The following CUL7 variants were observed in gnomAD, a reference collection of about 807,000 sequenced individuals.
CUL7 encodes cullin-7.
A neutral mutation model predicts 177.7 loss-of-function variants in CUL7; 96 were observed. That is an observed-to-expected ratio of 0.54 (90% confidence interval 0.46 to 0.64). The LOEUF is 0.64. Among genes scored for constraint, CUL7 ranks in the 30% least tolerant of loss-of-function variants. The pLI is 0.00. For missense variants in CUL7, 1,893 were observed against 2,187.9 expected (o/e 0.87, Z 2.69); for synonymous variants, 824 against 890.2 (o/e 0.93, Z 1.32).
At position 43,039,735 on chromosome 6, in the gene CUL7, C is replaced by CTTT. The variant is rs763879172; in HGVS notation, c.4294+418_4294+420dup. The stretch of plus-strand genomic sequence containing the variant: ...AAAAATGTAAATTAAAAGACCAACT[C>CTTT]TTTTTTTTTTTTTTTTTTTTTTTTG... On this transcript the variant is annotated intron_variant, in intron 22 of 25. Transcript: ENST00000265348. 4.8e-3 allele frequency among the ~76,000 whole-genome samples: 458 copies of CTTT among 94,920 alleles called. 4 individuals carry two copies. The highest frequency in any genetic ancestry group is 8.9e-3 in the Middle Eastern group (1 of 112). The allele number at this position is 94,920 out of a possible 152,430, so 62.3% of individuals were successfully genotyped here.
chr6:43,048,386 A>C lies in CUL7; in HGVS notation c.2009T>G (p.Met670Arg), dbSNP rs1217199685. ...QRQPQPFLALMQSLDTPETNR... is the reference protein window; with the variant it reads ...QRQPQPFLALRQSLDTPETNR... ...AGTCTCCGGAGTGTCCAGGCTCTGC[A>C]TCAGTGCCAGGAAGGGCTGCGGCTG... Residue 670 changes from methionine (M) to arginine (R), a missense_variant, in exon 8 of 26, where the codon ATG (methionine) becomes AGG (arginine). Transcript: ENST00000265348. 3 of 1,613,302 alleles carry C rather than the reference A, an allele frequency of 1.9e-6. No individual in the cohort carries two copies. Among genetic ancestry groups the C allele is most frequent in the African/African-American group, 1.3e-5 (1 of 74,904 alleles).
chr6:43,053,789 C>T lies in CUL7; in HGVS notation c.-176G>A. 6 of 1,531,834 alleles carry T rather than the reference C, an allele frequency of 3.9e-6. No homozygotes were observed. Among genetic ancestry groups the T allele is most frequent in the Non-Finnish European group, 5.2e-6 (6 of 1,145,618 alleles). The allele number at this position is 1,531,834 out of a possible 1,614,324, so 94.9% of individuals were successfully genotyped here. On this transcript the variant is annotated 5_prime_UTR_variant, in exon 1 of 26. Transcript: ENST00000265348. The surrounding 1 kb of genome is among the most constrained non-coding windows in gnomAD (Gnocchi z 4.1). The stretch of plus-strand genomic sequence containing the variant: ...GGAACAGAGCTGCACCCGCGTGAGT[C>T]GGCAGCCACTGGGGCAGGGTGGGGC...
chr6:43,047,616 T>C (rs533760981), intron 9 of CUL7, among the ~76,000 whole-genome samples: 5 of 152,296 alleles, frequency 3.3e-5, no homozygotes, highest in African/African-American at 1.2e-4. Context: ...CTCTGAGCCC[T>C]TCTGAAGCCT....
rs750045772 is a variant in CUL7, at chr6:43,051,128, C to T, written c.1073G>A (p.Arg358His). The T allele has an allele frequency of 2.5e-5, 40 of 1,614,104 alleles. No individual in the cohort carries two copies. The highest frequency in any genetic ancestry group is 1.2e-4 in the African/African-American group (9 of 74,932). ...QPSFRRSRRF[R>H]PRSEFASGNT... Reference sequence around the variant, plus strand: ...GCCACTTGCGAACTCAGAACGAGGGCGAAAACGTCTTGACCTCCTGAAGGA... The same window carrying T: ...GCCACTTGCGAACTCAGAACGAGGGTGAAAACGTCTTGACCTCCTGAAGGA... The change falls in exon 4 of 26, where the codon CGC (arginine) becomes CAC (histidine). Residue 358 changes from arginine to histidine, a missense_variant. Transcript: ENST00000265348. This position sits in a 1 kb window ranked among gnomAD's most constrained non-coding sequence, Gnocchi z 5.0.
chr6:43,048,569 G>T lies in CUL7; in HGVS notation c.1826C>A (p.Ala609Glu). 1.2e-6 allele frequency: 2 copies of T among 1,611,120 alleles called. No individual in the cohort carries two copies. Among genetic ancestry groups the T allele is most frequent in the East Asian group, 4.5e-5 (2 of 44,858 alleles). Residue 609 changes from alanine to glutamate, a missense_variant and splice_region_variant, in exon 8 of 26, where the codon GCA (alanine) becomes GAA (glutamate). This residue lies in a region of CUL7 where 973 missense variants were observed against 1,140.9 expected (regional missense o/e 0.85). Coordinates refer to ENST00000265348, the MANE Select transcript of CUL7 (RefSeq NM_014780.5). ...GGGACTCTGAGATGGGGGTTCTTTT[G>T]CTACAGGAAGGGGACAGTCACAGGA... Reference protein sequence around the residue: ...KDSEDAAKVEAKEPPSQSPNT... With the variant: ...KDSEDAAKVEEKEPPSQSPNT...
At position 43,038,573 on chromosome 6, in the gene CUL7, T is replaced by A; in HGVS notation, c.4560A>T (p.Ile1520=). 1 of 1,614,102 alleles carries A rather than the reference T, an allele frequency of 6.2e-7. No individual in the cohort carries two copies. The highest frequency in any genetic ancestry group is 8.5e-7 in the Non-Finnish European group (1 of 1,180,006). Residue 1520 remains isoleucine, a synonymous_variant, in exon 24 of 26, where the codon ATA becomes ATT. Transcript: ENST00000265348. The part of the protein sequence containing the change: ...GPLDLHEQKD[I]PGGVLKIRDG... The stretch of plus-strand genomic sequence containing the variant: ...CTGGCCCTAAGTGCATACCTCCTGG[T>A]ATATCCTTTTGCTCGTGAAGGTCCA...
chr6:43,046,128 G>C, intron 12 of CUL7, 37 bp from the exon 13 acceptor site: 1 of 1,612,348 alleles, frequency 6.2e-7, no homozygotes, highest in East Asian at 2.2e-5. Context: ...GGAACTTGTA[G>C]ACAGGGCCCA....
Position 43,040,279 on chromosome 6 carries a change from C to G in CUL7, c.4171G>C (p.Val1391Leu). Residue 1391 changes from valine (V) to leucine (L), a missense_variant, in exon 22 of 26, where the codon GTG becomes CTG. Transcript: ENST00000265348. This position sits in a 1 kb window ranked among gnomAD's most constrained non-coding sequence, Gnocchi z 4.2. ...YYEGAMPEVS[V>L]LVLSRHSWPV... ...CAGGAGTGTCGGGACAGGACAAGCA[C>G]AGACACTTCTGGCATTGCCCCTTCA... The G allele has an allele frequency of 5.0e-6, 8 of 1,614,162 alleles. No homozygotes were observed. The highest frequency in any genetic ancestry group is 6.8e-6 in the Non-Finnish European group (8 of 1,180,028).
In CUL7 at chr6:43,053,714, G is replaced by A; in HGVS notation, c.-101C>T. The A allele has an allele frequency of 6.9e-7, 1 of 1,442,014 alleles. No individual in the cohort carries two copies. The highest frequency in any genetic ancestry group is 1.4e-5 in the South Asian group (1 of 71,706). 89.3% of individuals were successfully genotyped at this position (1,442,014 alleles called of 1,614,324 possible). On this transcript the variant is annotated 5_prime_UTR_variant, in exon 1 of 26. Transcript: ENST00000265348. This position sits in a 1 kb window ranked among gnomAD's most constrained non-coding sequence, Gnocchi z 4.1. ...CTGGCGGCGACTTGGGCCCCACCTG[G>A]GCCCCGCGAGGGGGTCGAGACGGAG... is the stretch of plus-strand genomic sequence containing the variant.
Position 43,045,839 on chromosome 6 carries a change from G to A in CUL7, c.2766+147C>T. ...TGCCACCCTCATTGTTCAGGGCCTG[G>A]TGGCACAAGCACAGGGATAAAGGAC... On this transcript the variant is annotated intron_variant, in intron 13 of 25. Transcript: ENST00000265348. The surrounding 1 kb of genome is among the most constrained non-coding windows in gnomAD (Gnocchi z 4.8). 9.3e-7 allele frequency: 1 copy of A among 1,075,636 alleles called. No homozygotes were observed. The highest frequency in any genetic ancestry group is 1.4e-6 in the Non-Finnish European group (1 of 711,532). The allele number at this position is 1,075,636 out of a possible 1,614,324, so 66.6% of individuals were successfully genotyped here.
At position 43,047,070 on chromosome 6, in the gene CUL7, G is replaced by T. The variant is rs769982524; in HGVS notation, c.2207C>A (p.Thr736Asn). Reference sequence around the variant, plus strand: ...CACGGCATAGTCCCTGCTCACTGAGGTCAGGCGGTGCAGGAAGAAAATCAG... The same window carrying T: ...CACGGCATAGTCCCTGCTCACTGAGTTCAGGCGGTGCAGGAAGAAAATCAG... ...QELIFFLHRLTSVSRDYAVVL... is the reference protein window; with the variant it reads ...QELIFFLHRLNSVSRDYAVVL... Residue 736 changes from threonine to asparagine, a missense_variant, in exon 10 of 26, where the codon ACC becomes AAC. Physicochemically the swap from Thr to Asn is moderately conservative, Grantham distance 65. Transcript: ENST00000265348. The T allele has an allele frequency of 6.2e-7, 1 of 1,612,798 alleles. No individual in the cohort carries two copies. The highest frequency in any genetic ancestry group is 8.5e-7 in the Non-Finnish European group (1 of 1,178,912).
In CUL7 at chr6:43,046,899, A is replaced by G. The variant is rs1227256334; in HGVS notation, c.2378T>C (p.Ile793Thr). 5 of 1,606,074 alleles carry G rather than the reference A, an allele frequency of 3.1e-6. No individual in the cohort carries two copies. The highest frequency in any genetic ancestry group is 3.4e-6 in the Non-Finnish European group (4 of 1,172,794). Reference protein sequence around the residue: ...AHLYRKLITNILGGCIQMVLG... With the variant: ...AHLYRKLITNTLGGCIQMVLG... Reference sequence around the variant, plus strand: ...CCTGACCTGGATGCAGCCTCCCAGGATGTTGGTGATGAGTTTGCGGTAGAG... The same window carrying G: ...CCTGACCTGGATGCAGCCTCCCAGGGTGTTGGTGATGAGTTTGCGGTAGAG... Residue 793 changes from isoleucine to threonine, a missense_variant, in exon 10 of 26, where the codon ATC becomes ACC. By Grantham distance (89) the Ile-to-Thr change is moderately conservative. Coordinates refer to ENST00000265348, the MANE Select transcript of CUL7 (RefSeq NM_014780.5).
chr6:43,040,865 C>T lies in CUL7; in HGVS notation c.3806+50G>A. 6.2e-7 allele frequency: 1 copy of T among 1,607,044 alleles called. No individual in the cohort carries two copies. The highest frequency in any genetic ancestry group is 2.2e-5 in the East Asian group (1 of 44,780). ...TTCCAGGCCCATGAGCTGGCTCTGC[C>T]ACCATCATCCTGCCTCCCGCCAGCT... On this transcript the variant is annotated intron_variant, in intron 20 of 25. Coordinates refer to ENST00000265348, the MANE Select transcript of CUL7 (RefSeq NM_014780.5). The surrounding 1 kb of genome is among the most constrained non-coding windows in gnomAD (Gnocchi z 4.2).
Position 43,043,110 on chromosome 6 carries a change from GTTTCT to G in CUL7, c.3421_3425del (p.Arg1141ProfsTer24). The G allele has an allele frequency of 6.2e-7, 1 of 1,614,156 alleles. No individual in the cohort carries two copies. On this transcript the variant is annotated frameshift_variant, in exon 18 of 26. Coordinates refer to ENST00000265348, the MANE Select transcript of CUL7 (RefSeq NM_014780.5). LOFTEE classifies it high-confidence loss of function. The surrounding 1 kb of genome is among the most constrained non-coding windows in gnomAD (Gnocchi z 4.2). ...CCACGGCCCGCCAACAGCGCGTCAG[GTTTCT>G]CATGATGCTGCTTGGAAGGCCCCGG...
chr6:43,048,095 G>A, intron 9 of CUL7, 53 bp downstream of exon 9: 1 of 1,209,958 alleles, frequency 8.3e-7, no homozygotes, highest in South Asian at 1.3e-5. Flanking sequence ...TGCCTTGCCA[G>A]TGGCTGCCTT....
At position 43,046,081 on chromosome 6, in the gene CUL7, G is replaced by C; in HGVS notation, c.2671C>G (p.Leu891Val). ...CTCGAGTCCTCACTAGCCACAAGCAGAGTCAGTTGCCTGGGAGTGGGGAGG... is the reference window on the plus strand; with the variant it reads ...CTCGAGTCCTCACTAGCCACAAGCACAGTCAGTTGCCTGGGAGTGGGGAGG... ...RRGILIRQLT[L>V]LVASEDSSYM... The change falls in exon 13 of 26, where the codon CTG becomes GTG. Residue 891 changes from leucine to valine, a missense_variant. Leu to Val is a conservative substitution (Grantham distance 32). This residue lies in a region of CUL7 where 973 missense variants were observed against 1,140.9 expected (regional missense o/e 0.85). Coordinates refer to ENST00000265348, the MANE Select transcript of CUL7 (RefSeq NM_014780.5). The C allele has an allele frequency of 1.2e-6, 2 of 1,614,160 alleles. No homozygotes were observed. The highest frequency in any genetic ancestry group is 1.7e-6 in the Non-Finnish European group (2 of 1,179,978).
In CUL7 at chr6:43,046,934, C is replaced by T. The variant is rs562415733; in HGVS notation, c.2343G>A (p.Lys781=). 1 of 1,613,404 alleles carries T rather than the reference C, an allele frequency of 6.2e-7. No homozygotes were observed. The highest frequency in any genetic ancestry group is 1.1e-5 in the South Asian group (1 of 91,064). The change falls in exon 10 of 26, where the codon AAG becomes AAA. Residue 781 remains lysine, a synonymous_variant. Transcript: ENST00000265348. ...ELRDMVFKCE[K]HAHLYRKLIT... ...TGAGTTTGCGGTAGAGGTGGGCATG[C>T]TTCTCACACTTGAACACCATGTCCC...
In CUL7 at chr6:43,051,601, C is replaced by G. The variant is rs775066381; in HGVS notation, c.732+11G>C. The G allele has an allele frequency of 5.6e-6, 9 of 1,614,040 alleles. No homozygotes were observed. Among genetic ancestry groups the G allele is most frequent in the South Asian group, 3.3e-5 (3 of 91,062 alleles). On this transcript the variant is annotated intron_variant, in intron 3 of 25. Transcript: ENST00000265348. This position sits in a 1 kb window ranked among gnomAD's most constrained non-coding sequence, Gnocchi z 5.0. ...CACAAGTTCCCCCCACCTTACACCC[C>G]CAAAGGTTACCTGTGGTAGCTGAAT...
rs927063542 is a variant in CUL7, at chr6:43,053,406, A to G, written c.-9+216T>C. Among the ~76,000 whole-genome samples the G allele has an allele frequency of 1.3e-5, 2 of 152,254 alleles. No individual in the cohort carries two copies. Among genetic ancestry groups the G allele is most frequent in the Admixed American group, 1.3e-4 (2 of 15,288 alleles). ...GTGAGGGCGCCGCGAGACCCAGGGC[A>G]GGGTGCACAGACCAGGTAGGCGAGG... is the stretch of plus-strand genomic sequence containing the variant. On this transcript the variant is annotated intron_variant, in intron 1 of 25. Coordinates refer to ENST00000265348, the MANE Select transcript of CUL7 (RefSeq NM_014780.5). This position sits in a 1 kb window ranked among gnomAD's most constrained non-coding sequence, Gnocchi z 4.1.
Sources: allele counts gnomAD v4.1 joint callset (sites outside exome capture counted in the v4.1 genomes callset), GRCh38; gene constraint gnomAD v4.1.1; regional missense constraint gnomAD v4.1.1; non-coding constraint Gnocchi (gnomAD v3.1); transcripts MANE v1.5; gene names NCBI Gene and HGNC (gene_info 2026-07-23, HGNC 2026-07-21).